ASPH: variants seen among roughly 807,000 people sequenced by gnomAD.
ASPH encodes the protein aspartate beta-hydroxylase.
A neutral mutation model predicts 118.4 loss-of-function variants in ASPH; 100 were observed. The ratio of observed to expected loss-of-function variants is 0.84; its 90% CI spans 0.72 to 1.00. The LOEUF (loss-of-function observed/expected upper bound fraction) is 1.00, where lower values mean the gene tolerates loss of function less well. Ranked by LOEUF, ASPH falls within the 50% of genes least tolerant of loss-of-function variation. The pLI is 0.00. For synonymous variants in ASPH, 315 were observed against 325.6 expected (o/e 0.97, Z 0.35); for missense variants, 920 against 919.5 (o/e 1.00, Z -0.01).
intron 2 of ASPH, chr8:61,682,329 T>C: frequency 2.7e-6 from 3 of 1,131,642 alleles, no homozygotes; most frequent in Non-Finnish European, 3.8e-6. Flanking sequence ...TAATGGGAAA[T>C]TGGTCCTATC....
At chr8:61,593,507 C>T (rs1841759820) in intron 14 of ASPH, among the ~76,000 whole-genome samples, 1 of 152,194 alleles carries the variant, frequency 6.6e-6, no homozygotes, top group Non-Finnish European at 1.5e-5. Context: ...CTGAGAGATG[C>T]TAACTTATAC....
chr8:61,672,000 TAGTGAGACC>T (rs901840408), intron 3 of ASPH, among the ~76,000 whole-genome samples: 20 of 152,342 alleles, frequency 1.3e-4, no homozygotes, highest in African/African-American at 4.8e-4. Context: ...TCACCATTTC[TAGTGAGACC>T]TGTGAGTCAC....
chr8:61,679,965 A>ACAC lies in ASPH; in HGVS notation c.322+1000_322+1002dup, dbSNP rs1200988584. 2.4e-3 allele frequency among the ~76,000 whole-genome samples: 365 copies of ACAC among 150,742 alleles called. 2 individuals are homozygous for ACAC. Among genetic ancestry groups the ACAC allele is most frequent in the Non-Finnish European group, 4.4e-3 (297 of 67,406 alleles). The stretch of plus-strand genomic sequence containing the variant: ...AATAAAAAAAAAAAAAAAACAAAAA[A>ACAC]CACCAACACAGGTCAACATTAGGAA... On this transcript the variant is annotated intron_variant, in intron 3 of 24. Coordinates refer to ENST00000379454, the MANE Select transcript of ASPH (RefSeq NM_004318.4).
At chr8:61,668,106 C>T in intron 3 of ASPH, 2 of 838,596 alleles carry the variant, frequency 2.4e-6, no homozygotes, top group South Asian at 3.6e-5. Flanking sequence ...ACCTAAGTTG[C>T]ACCCAAGCAA....
At chr8:61,630,385 A>G (rs1855036598) in intron 13 of ASPH, among the ~76,000 whole-genome samples, 1 of 152,212 alleles carries the variant, frequency 6.6e-6, no homozygotes, top group Non-Finnish European at 1.5e-5. Context: ...ACTGTGCAAA[A>G]ATACCACAAA....
chr8:61,592,792 T>C (rs1194733339), intron 14 of ASPH, among the ~76,000 whole-genome samples: 1 of 152,218 alleles, frequency 6.6e-6, no homozygotes, highest in African/African-American at 2.4e-5. Context: ...TTTATTAGGA[T>C]TGGAAGCTAA....
chr8:61,545,063 T>C (rs935356206), intron 21 of ASPH, among the ~76,000 whole-genome samples: 1 of 152,162 alleles, frequency 6.6e-6, no homozygotes, highest in Non-Finnish European at 1.5e-5. Context: ...TAAAGGGCAG[T>C]GGTAAGAGAT....
intron 3 of ASPH, chr8:61,675,693 T>A: frequency 9.9e-7 from 1 of 1,005,506 alleles, no homozygotes; most frequent in Non-Finnish European, 1.2e-6. Context: ...ATCATCATAA[T>A]TAATAGTGTG....
At chr8:61,576,682 G>T in intron 16 of ASPH, 90 bp downstream of exon 16, 1 of 1,126,420 alleles carries the variant, frequency 8.9e-7, no homozygotes, top group South Asian at 1.7e-5. Flanking sequence ...AGAGAAATTA[G>T]AAAGGGAAAA....
chr8:61,670,293 ATGTGT>A (rs1821784985), intron 3 of ASPH, among the ~76,000 whole-genome samples: 1 of 151,884 alleles, frequency 6.6e-6, no homozygotes, highest in Non-Finnish European at 1.5e-5. Flanking sequence ...AAAAAAGGAA[ATGTGT>A]TTGTTTGTTT....
intron 16 of ASPH, among the ~76,000 whole-genome samples, chr8:61,576,415 T>G (rs1835155715): frequency 1.3e-5 from 2 of 152,334 alleles, no homozygotes; most frequent in Admixed American, 1.3e-4. Flanking sequence ...CTAAGCATAC[T>G]TGCAACCTCC....
rs796261530 is a variant in ASPH at position 61,681,541 on chromosome 8, A to G, written c.254-505T>C. 1.6e-4 allele frequency among the ~76,000 whole-genome samples: 25 copies of G among 151,970 alleles called. 1 individual carries two copies. Among genetic ancestry groups the G allele is most frequent in the African/African-American group, 5.3e-4 (22 of 41,566 alleles). On this transcript the variant is annotated intron_variant, in intron 2 of 24. Coordinates refer to ENST00000379454, the MANE Select transcript of ASPH (RefSeq NM_004318.4). ...TCTAAGTACTAAAAACTAAAAAATC[A>G]TTAATTTTATATTTTACAATGATGA...
chr8:61,663,924 T>C lies in ASPH; in HGVS notation c.323-10264A>G, dbSNP rs547262993. On this transcript the variant is annotated intron_variant, in intron 3 of 24. Transcript: ENST00000379454. ...ACACTTAAACATACTCATTTCTGAG[T>C]TGAAATATCTTTAATTAGATCAAAA... The C allele has an allele frequency of 2.6e-5, 23 of 897,424 alleles. No homozygotes were observed. The East Asian group carries it at 1.3e-3, about 51-fold the overall frequency. The allele number at this position is 897,424 out of a possible 1,614,324, so 55.6% of individuals were successfully genotyped here.
At chr8:61,575,206 CCATTA>C (rs1425676407) in intron 16 of ASPH, among the ~76,000 whole-genome samples, 1 of 152,178 alleles carries the variant, frequency 6.6e-6, no homozygotes, top group Non-Finnish European at 1.5e-5. Flanking sequence ...GCTCTTCATT[CCATTA>C]CATTTTCTTA....
intron 1 of ASPH, among the ~76,000 whole-genome samples, chr8:61,708,777 A>T (rs555868787): frequency 6.1e-4 from 93 of 152,262 alleles, no homozygotes; most frequent in Non-Finnish European, 1.0e-3. Flanking sequence ...ACGTGTGGGC[A>T]CACATGTAGG....
chr8:61,653,541 G>A (rs376873670), intron 4 of ASPH, 27 bp downstream of exon 4: 284 of 1,608,190 alleles, frequency 1.8e-4, no homozygotes, highest in East Asian at 3.8e-4. Context: ...ACACCTGGGC[G>A]AGACTCGAGG....
intron 17 of ASPH, among the ~76,000 whole-genome samples, chr8:61,566,407 A>C (rs1382350583): frequency 6.6e-6 from 1 of 152,248 alleles, no homozygotes; most frequent in African/African-American, 2.4e-5. Context: ...TGAGCAAAGA[A>C]AGTGGTTTCT....
chr8:61,506,848 C>T (rs1806780835), intron 24 of ASPH, among the ~76,000 whole-genome samples: 1 of 152,094 alleles, frequency 6.6e-6, no homozygotes, highest in Non-Finnish European at 1.5e-5. Context: ...ATGTTGTCTG[C>T]CTTCCTTTGA....
intron 16 of ASPH, among the ~76,000 whole-genome samples, chr8:61,569,141 C>G (rs937487352): frequency 2.6e-5 from 4 of 152,084 alleles, no homozygotes; most frequent in African/African-American, 9.7e-5. Context: ...AGCAAAGTAG[C>G]AGCATCAGGT....
Sources: allele counts gnomAD v4.1 joint callset (sites outside exome capture counted in the v4.1 genomes callset), GRCh38; gene constraint gnomAD v4.1.1; transcripts MANE v1.5; gene names NCBI Gene and HGNC (gene_info 2026-07-23, HGNC 2026-07-21).